IL1RAPL2: variants seen among roughly 807,000 people sequenced by gnomAD.
IL1RAPL2 encodes X-linked interleukin-1 receptor accessory protein-like 2.
A neutral mutation model predicts 44.1 loss-of-function variants in IL1RAPL2; 3 were observed. The observed-to-expected ratio is 0.07, with a 90% CI of 0.03 to 0.18. The LOEUF (loss-of-function observed/expected upper bound fraction) is 0.18, where lower values mean the gene tolerates loss of function less well. Ranked by LOEUF, IL1RAPL2 falls within the 10% of genes least tolerant of loss-of-function variation. IL1RAPL2 has a pLI of 1.00. For missense variants in IL1RAPL2, 391 were observed against 496.4 expected, an observed-to-expected ratio of 0.79 and a Z score of 2.02; for synonymous variants, 181 against 178.8, an observed-to-expected ratio of 1.01 and a Z score of -0.10.
At chrX:104,632,975 G>T (rs1929690075) in intron 1 of IL1RAPL2, among the ~76,000 whole-genome samples, 1 of 111,463 alleles carries the variant, frequency 9.0e-6, no homozygotes, top group Non-Finnish European at 1.9e-5. Flanking sequence ...TTGGCTGTGG[G>T]TTTGTCATAG....
At chrX:105,752,947 A>AT (rs1168952348) in intron 9 of IL1RAPL2, 1 of 330,391 alleles carries the variant, frequency 3.0e-6, no homozygotes, top group Admixed American at 3.1e-5. Flanking sequence ...AGAAGCATTC[A>AT]TTTTTTCAAC....
chrX:105,072,969 AAAGGTGAT>A (rs2032229399), intron 2 of IL1RAPL2, among the ~76,000 whole-genome samples: 2 of 110,645 alleles, frequency 1.8e-5, no homozygotes, highest in Non-Finnish European at 3.8e-5. Flanking sequence ...ATGTCCCTGC[AAAGGTGAT>A]GAACTCATCC....
intron 6 of IL1RAPL2, among the ~76,000 whole-genome samples, chrX:105,708,753 A>G (rs1050797678): frequency 2.7e-5 from 3 of 111,939 alleles, no homozygotes; most frequent in Non-Finnish European, 5.6e-5. Context: ...GAAACAAATG[A>G]AAATAACAAC....
At chrX:105,046,708 G>T (rs1328880207) in intron 2 of IL1RAPL2, among the ~76,000 whole-genome samples, 1 of 110,711 alleles carries the variant, frequency 9.0e-6, no homozygotes, top group Non-Finnish European at 1.9e-5. Flanking sequence ...TTACTGGTAG[G>T]TTTGAGCACA....
At chrX:105,197,548 C>T (rs781955404) in intron 3 of IL1RAPL2, among the ~76,000 whole-genome samples, 69 of 111,581 alleles carry the variant, frequency 6.2e-4, no homozygotes, top group African/African-American at 2.1e-3. Flanking sequence ...TTCCATTCTC[C>T]GCTCTAACCC....
chrX:105,077,002 G>A (rs1252385972), intron 2 of IL1RAPL2, among the ~76,000 whole-genome samples: 1 of 111,059 alleles, frequency 9.0e-6, no homozygotes, highest in Non-Finnish European at 1.9e-5. Flanking sequence ...TATCCAATTT[G>A]CCAGTCTGTG....
chrX:104,945,049 C>G (rs1925307424), intron 2 of IL1RAPL2, among the ~76,000 whole-genome samples: 1 of 111,742 alleles, frequency 8.9e-6, no homozygotes, highest in East Asian at 2.8e-4. Flanking sequence ...TCTGCCTGCT[C>G]TTTCTCTTCC....
At chrX:104,739,755 C>T (rs1023686651) in intron 2 of IL1RAPL2, among the ~76,000 whole-genome samples, 1 of 112,034 alleles carries the variant, frequency 8.9e-6, no homozygotes, top group Non-Finnish European at 1.9e-5. Context: ...TGTCTTACCT[C>T]CTGCAATCCA....
At chrX:105,218,102 TAAAAAA>T (rs201426592) in intron 3 of IL1RAPL2, among the ~76,000 whole-genome samples, 38 of 108,498 alleles carry the variant, frequency 3.5e-4, no homozygotes, top group African/African-American at 1.1e-3. Flanking sequence ...TCCCAGAACT[TAAAAAA>T]AAAATCTGTC....
At chrX:105,750,474 A>G (rs1360327907) in intron 9 of IL1RAPL2, among the ~76,000 whole-genome samples, 2 of 102,639 alleles carry the variant, frequency 1.9e-5, no homozygotes, top group East Asian at 6.1e-4. Flanking sequence ...TATTATTATT[A>G]TTATTATTTC....
intron 2 of IL1RAPL2, among the ~76,000 whole-genome samples, chrX:105,169,452 T>G (rs768225039): frequency 9.6e-6 from 1 of 103,674 alleles, no homozygotes; most frequent in Non-Finnish European, 2.0e-5. Flanking sequence ...ACAAAGCAAG[T>G]AAAGCACTTT....
intron 2 of IL1RAPL2, among the ~76,000 whole-genome samples, chrX:104,802,302 G>A (rs1345068347): frequency 4.1e-4 from 41 of 100,751 alleles, no homozygotes; most frequent in African/African-American, 1.3e-3. Flanking sequence ...CTGAGATTGC[G>A]CCACTGCACT....
intron 6 of IL1RAPL2, among the ~76,000 whole-genome samples, chrX:105,557,084 C>A (rs375530964): frequency 2.7e-5 from 3 of 111,710 alleles, no homozygotes; most frequent in African/African-American, 9.7e-5. Flanking sequence ...TGTTTGAAGT[C>A]GAAAGTCTTT....
chrX:105,454,064 C>T (rs184227160), intron 5 of IL1RAPL2, among the ~76,000 whole-genome samples: 2 of 111,164 alleles, frequency 1.8e-5, no homozygotes, highest in African/African-American at 6.5e-5. Context: ...TGTCAGCATA[C>T]GAAGCAAAGC....
At position 104,691,203 on chromosome X, in the gene IL1RAPL2, C is replaced by T. The variant is rs1309105531; in HGVS notation, c.82+32208C>T. Among the ~76,000 whole-genome samples the T allele has an allele frequency of 2.7e-5, 3 of 112,180 alleles. No homozygotes were observed. The East Asian group carries it at 8.4e-4, about 31-fold the overall frequency. On this transcript the variant is annotated intron_variant, in intron 2 of 10. Coordinates refer to ENST00000372582, the MANE Select transcript of IL1RAPL2 (RefSeq NM_017416.2). ...TCTGCAATGGTTACCATGTGTATCA[C>T]ATTGCTTAAAGCAGATGCTGCCTCT... is the stretch of plus-strand genomic sequence containing the variant.
At chrX:104,699,588 A>C (rs1485221706) in intron 2 of IL1RAPL2, among the ~76,000 whole-genome samples, 5 of 112,193 alleles carry the variant, frequency 4.5e-5, no homozygotes, top group Admixed American at 9.5e-5. Flanking sequence ...AGGTCCTAAC[A>C]GGCCACTGAC....
At chrX:105,219,672 A>G (rs1556177292) in intron 3 of IL1RAPL2, 3 of 1,207,479 alleles carry the variant, frequency 2.5e-6, no homozygotes. Flanking sequence ...CTTCCTCCTC[A>G]GCTGCTCCTT....
chrX:105,628,228 C>T (rs2037467932), intron 6 of IL1RAPL2, among the ~76,000 whole-genome samples: 1 of 110,687 alleles, frequency 9.0e-6, no homozygotes, highest in Admixed American at 9.6e-5. Context: ...GCACAACGTG[C>T]AGGTTAGTTA....
intron 2 of IL1RAPL2, among the ~76,000 whole-genome samples, chrX:104,759,176 A>G (rs1932387842): frequency 8.9e-6 from 1 of 112,690 alleles, no homozygotes; most frequent in Admixed American, 9.4e-5. Context: ...CATTCTGCCT[A>G]GAACTGGACT....
Sources: gnomAD v4.1 joint callset for allele counts (sites outside exome capture counted in the v4.1 genomes callset) on GRCh38, gnomAD v4.1.1 for gene constraint, MANE v1.5 for transcripts, NCBI Gene and HGNC (gene_info 2026-07-23, HGNC 2026-07-21) for gene names.